PLCB1: variants seen among roughly 807,000 people sequenced by gnomAD.
PLCB1 encodes the protein phospholipase C beta 1.
In PLCB1, 46 loss-of-function variants were observed where a neutral mutation model predicts 161.8. The ratio of observed to expected loss-of-function variants is 0.28; its 90% CI spans 0.22 to 0.36. The LOEUF is 0.36. Ranked by LOEUF, PLCB1 falls within the 10% of genes least tolerant of loss-of-function variation. The probability of loss-of-function intolerance (pLI) is 1.00; values close to 1 mark genes in which losing one functional copy is unlikely to be tolerated. For synonymous variants in PLCB1, 517 were observed against 503.7 expected, an observed-to-expected ratio of 1.03 and a Z score of -0.35; for missense variants, 1,016 against 1,472.5, an observed-to-expected ratio of 0.69 and a Z score of 5.07.
In PLCB1 at chr20:8,475,010, GACACAC is replaced by G. The variant is rs11468682; in HGVS notation, c.246+103578_246+103583del. ...GTCAAAAAACAAGATCACACACACA[GACACAC>G]ACACACACACACACACAGACACACA... On this transcript the variant is annotated intron_variant, in intron 3 of 31. Coordinates refer to ENST00000338037, the MANE Select transcript of PLCB1 (RefSeq NM_015192.4). 6.2e-4 allele frequency among the ~76,000 whole-genome samples: 91 copies of G among 147,674 alleles called. 2 individuals are homozygous for G. Among genetic ancestry groups the G allele is most frequent in the African/African-American group, 2.0e-3 (81 of 40,168 alleles).
intron 2 of PLCB1, among the ~76,000 whole-genome samples, chr20:8,178,116 G>A (rs111735053): frequency 0.18 from 26,713 of 151,980 alleles, 2,484 homozygotes; most frequent in African/African-American, 0.23. Flanking sequence ...ATTTAGGTTG[G>A]TTTCATGTCT....
chr20:8,687,047 A>T (rs1174754652), intron 10 of PLCB1, among the ~76,000 whole-genome samples: 6 of 149,258 alleles, frequency 4.0e-5, no homozygotes, highest in Non-Finnish European at 8.9e-5. Context: ...TATTCTTGAG[A>T]CAGGGCCTCA....
chr20:8,391,824 T>TATACAC (rs1157204782), intron 3 of PLCB1, among the ~76,000 whole-genome samples: 9 of 115,402 alleles, frequency 7.8e-5, no homozygotes, highest in Middle Eastern at 4.6e-3. Context: ...TATATATATA[T>TATACAC]ACACACACAT....
chr20:8,454,461 A>G lies in PLCB1; in HGVS notation c.246+83011A>G, dbSNP rs79205195. ...GGCCAGAGACCATGGTCTTGAGAGCAGTTAGGTAGACAACAGGAGCCCCTA... is the reference window on the plus strand; with the variant it reads ...GGCCAGAGACCATGGTCTTGAGAGCGGTTAGGTAGACAACAGGAGCCCCTA... On this transcript the variant is annotated intron_variant, in intron 3 of 31. Transcript: ENST00000338037. Among the ~76,000 whole-genome samples, 1,281 of 152,336 alleles carry G rather than the reference A, an allele frequency of 8.4e-3. 21 individuals carry two copies. The highest frequency in any genetic ancestry group is 0.029 in the African/African-American group (1,206 of 41,574).
At position 8,608,171 on chromosome 20, in the gene PLCB1, ATGT is replaced by A. The variant is rs1265832401; in HGVS notation, c.247-20121_247-20119del. ...GCATTCTGTGCTCTTTAATGCATGC[ATGT>A]TATTTCTTTAAAAAATAAAACCATA... On this transcript the variant is annotated intron_variant, in intron 3 of 31. Transcript: ENST00000338037. Among the ~76,000 whole-genome samples, 3 of 152,182 alleles carry A rather than the reference ATGT, an allele frequency of 2.0e-5. No homozygotes were observed. The East Asian group carries it at 5.8e-4, about 29-fold the overall frequency.
intron 3 of PLCB1, among the ~76,000 whole-genome samples, chr20:8,405,441 G>A (rs982404733): frequency 2.0e-5 from 3 of 152,120 alleles, no homozygotes; most frequent in Non-Finnish European, 2.9e-5. Flanking sequence ...CATCAATTAC[G>A]CCACATGCTT....
intron 3 of PLCB1, among the ~76,000 whole-genome samples, chr20:8,594,330 A>G (rs951022048): frequency 1.3e-5 from 2 of 152,056 alleles, no homozygotes; most frequent in African/African-American, 4.8e-5. Context: ...GGACTTAGCA[A>G]TAGGATTTTT....
intron 3 of PLCB1, among the ~76,000 whole-genome samples, chr20:8,408,514 T>A (rs568944867): frequency 4.1e-4 from 63 of 151,928 alleles, no homozygotes; most frequent in African/African-American, 1.1e-3. Context: ...GAAGTTTTTT[T>A]TAAAAAAAAA....
intron 31 of PLCB1, among the ~76,000 whole-genome samples, chr20:8,821,346 G>T (rs1985347217): frequency 6.7e-6 from 1 of 150,244 alleles, no homozygotes; most frequent in Non-Finnish European, 1.5e-5. Context: ...AGACATGGTG[G>T]CCTGCGTCTG....
intron 14 of PLCB1, among the ~76,000 whole-genome samples, chr20:8,719,994 C>G (rs562581856): frequency 1.3e-5 from 2 of 152,202 alleles, no homozygotes; most frequent in South Asian, 4.2e-4. Context: ...TGTCCTGTAG[C>G]TTTTGAATGT....
At chr20:8,511,934 A>G (rs1983909965) in intron 3 of PLCB1, among the ~76,000 whole-genome samples, 1 of 152,106 alleles carries the variant, frequency 6.6e-6, no homozygotes, top group Non-Finnish European at 1.5e-5. Context: ...TTCACTCCTT[A>G]TCAGATGTGT....
chr20:8,149,125 A>G (rs2051483525), intron 1 of PLCB1, among the ~76,000 whole-genome samples: 1 of 152,234 alleles, frequency 6.6e-6, no homozygotes, highest in South Asian at 2.1e-4. Context: ...TACATTTAGT[A>G]TTTTGATACA....
intron 3 of PLCB1, among the ~76,000 whole-genome samples, chr20:8,535,202 C>CAAAAAAAAAAAAAAA (rs11323420): frequency 7.6e-5 from 4 of 52,796 alleles, no homozygotes; most frequent in Non-Finnish European, 1.1e-4. Flanking sequence ...AGTTTATGGG[C>CAAAAAAAAAAAAAAA]AAAAAAAAAA....
chr20:8,768,238 T>C (rs893821904), intron 26 of PLCB1, among the ~76,000 whole-genome samples: 1 of 152,124 alleles, frequency 6.6e-6, no homozygotes, highest in African/African-American at 2.4e-5. Flanking sequence ...CTGAAAAGTC[T>C]AGGGGAAGAA....
chr20:8,706,837 T>C (rs1396186697), intron 11 of PLCB1, among the ~76,000 whole-genome samples: 4 of 152,260 alleles, frequency 2.6e-5, no homozygotes, highest in Non-Finnish European at 5.9e-5. Flanking sequence ...ATGAGCTGAG[T>C]CCTTTGCCTT....
intron 2 of PLCB1, among the ~76,000 whole-genome samples, chr20:8,200,868 G>T (rs2052084943): frequency 6.6e-6 from 1 of 151,988 alleles, no homozygotes; most frequent in African/African-American, 2.4e-5. Flanking sequence ...ATCAGCTTTA[G>T]ATTTGTAGAA....
chr20:8,357,480 A>G (rs1356002037), intron 2 of PLCB1, among the ~76,000 whole-genome samples: 1 of 152,182 alleles, frequency 6.6e-6, no homozygotes, highest in Non-Finnish European at 1.5e-5. Flanking sequence ...ATCCTAATAC[A>G]GTGATTTTTT....
At chr20:8,835,959 A>G (rs1295256862) in intron 31 of PLCB1, among the ~76,000 whole-genome samples, 1 of 151,996 alleles carries the variant, frequency 6.6e-6, no homozygotes, top group Non-Finnish European at 1.5e-5. Context: ...CATTGATCCC[A>G]GCTGGTCTTA....
chr20:8,417,019 A>G (rs1226419212), intron 3 of PLCB1, among the ~76,000 whole-genome samples: 4 of 134,462 alleles, frequency 3.0e-5, no homozygotes, highest in Non-Finnish European at 6.3e-5. Flanking sequence ...AAATACATAT[A>G]TGTGTATACA....
Sources: gnomAD v4.1 joint callset for allele counts (sites outside exome capture counted in the v4.1 genomes callset) on GRCh38, gnomAD v4.1.1 for gene constraint, MANE v1.5 for transcripts, NCBI Gene and HGNC (gene_info 2026-07-23, HGNC 2026-07-21) for gene names.